CCDC200: variants seen among roughly 807,000 people sequenced by gnomAD.
CCDC200 encodes coiled-coil domain containing 200.
chr17:43,230,718 T>C (rs1179050751), upstream of CCDC200, among the ~76,000 whole-genome samples: 1 of 51,964 alleles, frequency 1.9e-5, no homozygotes, highest in African/African-American at 4.6e-5. Context: ...CGGTGGCTCA[T>C]GCCTGTAATC....
chr17:43,223,216 CTTTTTTTCAA>C lies in CCDC200; in HGVS notation c.480+330_480+339del, dbSNP rs1178806946. The stretch of plus-strand genomic sequence containing the variant: ...ATAGGCATGAGCCCCACACACTTGG[CTTTTTTTCAA>C]TTTTTTTCAATTTTTTTCAATTTTT... On this transcript the variant is annotated intron_variant, in intron 3 of 3. Coordinates refer to ENST00000636331, the MANE Select transcript of CCDC200 (RefSeq NM_001363254.2). Among the ~76,000 whole-genome samples, 345 of 129,220 alleles carry C rather than the reference CTTTTTTTCAA, an allele frequency of 2.7e-3. 4 individuals are homozygous for C. Among genetic ancestry groups the C allele is most frequent in the African/African-American group, 6.7e-3 (244 of 36,200 alleles). 84.8% of individuals were successfully genotyped at this position (129,220 alleles called of 152,430 possible).
At position 43,225,979 on chromosome 17, in the gene CCDC200, G is replaced by A. The variant is rs369934562; in HGVS notation, c.106-1430C>T. Among the ~76,000 whole-genome samples the A allele has an allele frequency of 3.4e-4, 52 of 151,760 alleles. 3 individuals carry two copies. The East Asian group carries it at 6.5e-3, about 19-fold the overall frequency. On this transcript the variant is annotated intron_variant, in intron 1 of 3. Coordinates refer to ENST00000636331, the MANE Select transcript of CCDC200 (RefSeq NM_001363254.2). ...GAACTCCTGACCTTGTGATCCACCCGCCTCGGCCTCCCAAAGTGCTGGGAT... is the reference window on the plus strand; with the variant it reads ...GAACTCCTGACCTTGTGATCCACCCACCTCGGCCTCCCAAAGTGCTGGGAT...
chr17:43,225,949 G>T (rs570640058), intron 1 of CCDC200, among the ~76,000 whole-genome samples: 2 of 151,368 alleles, frequency 1.3e-5, no homozygotes, highest in South Asian at 4.2e-4. Flanking sequence ...GGCCAGGATG[G>T]TCTCGAACTC....
rs201380551 is a variant in CCDC200, at chr17:43,227,219, TCCAC to T, written c.105+1227_105+1230del. 0.011 allele frequency among the ~76,000 whole-genome samples: 1,684 copies of T among 151,974 alleles called. 93 individuals carry two copies. The East Asian group carries it at 0.19, about 17-fold the overall frequency. On this transcript the variant is annotated intron_variant, in intron 1 of 3. Transcript: ENST00000636331. ...GTCTCGAACTCCTGACCACAGGTGATCCACCTGCCTTGGCCTCCCAAAGTGCTGG... is the reference window on the plus strand; with the variant it reads ...GTCTCGAACTCCTGACCACAGGTGATCTGCCTTGGCCTCCCAAAGTGCTGG...
rs968039861 is a variant in CCDC200 at position 43,221,494 on chromosome 17, T to C, written c.*77A>G. ...GTGGGTGGCTTTTGGAGTGGAGATA[T>C]TGCTGGATGCTGAGAAGATGTGGTT... is the stretch of plus-strand genomic sequence containing the variant. On this transcript the variant is annotated 3_prime_UTR_variant, in exon 4 of 4. Transcript: ENST00000636331. The C allele has an allele frequency of 6.6e-6, 1 of 152,654 alleles. No homozygotes were observed. Among genetic ancestry groups the C allele is most frequent in the African/African-American group, 2.4e-5 (1 of 41,456 alleles). 9.5% of individuals were successfully genotyped at this position (152,654 alleles called of 1,614,324 possible). A position where few individuals can be genotyped will look rare whatever the true frequency, so the allele number is the denominator to read the frequency against.
At chr17:43,222,275 C>T (rs1052566061) in intron 3 of CCDC200, among the ~76,000 whole-genome samples, 32 of 151,886 alleles carry the variant, frequency 2.1e-4, no homozygotes, top group African/African-American at 7.3e-4. Flanking sequence ...AAGTGATTCT[C>T]CTGCCTCAGT....
intron 3 of CCDC200, among the ~76,000 whole-genome samples, chr17:43,222,167 C>G (rs1381676432): frequency 6.6e-6 from 1 of 151,442 alleles, no homozygotes; most frequent in Non-Finnish European, 1.5e-5. Context: ...TTTTAATGCT[C>G]TTTCCTCTGT....
intron 1 of CCDC200, chr17:43,224,833 C>T (rs967506527): frequency 6.6e-6 from 1 of 152,160 alleles, no homozygotes; most frequent in Non-Finnish European, 1.5e-5. Flanking sequence ...GTTTTTAGTG[C>T]TGGAGGATAA....
chr17:43,222,673 C>G (rs901635705), intron 3 of CCDC200, among the ~76,000 whole-genome samples: 2 of 151,310 alleles, frequency 1.3e-5, no homozygotes, highest in Non-Finnish European at 2.9e-5. Context: ...TTACGGCAGC[C>G]TCAACCTCTG....
intron 1 of CCDC200, among the ~76,000 whole-genome samples, chr17:43,227,857 C>T (rs1479236758): frequency 6.6e-6 from 1 of 152,218 alleles, no homozygotes; most frequent in Non-Finnish European, 1.5e-5. Context: ...GCCTGCAATC[C>T]CAGCACTTTG....
At chr17:43,227,179 A>G (rs531160578) in intron 1 of CCDC200, among the ~76,000 whole-genome samples, 1 of 151,844 alleles carries the variant, frequency 6.6e-6, no homozygotes, top group African/African-American at 2.4e-5. Flanking sequence ...GGGTTTCACC[A>G]TGTTGGTCAG....
intron 3 of CCDC200, among the ~76,000 whole-genome samples, chr17:43,223,015 C>T (rs556824562): frequency 3.3e-5 from 5 of 152,008 alleles, no homozygotes; most frequent in African/African-American, 1.2e-4. Flanking sequence ...GATCTGCCTG[C>T]CTCAGCCCCT....
In CCDC200 at chr17:43,225,937, T is replaced by C. The variant is rs1366071886; in HGVS notation, c.106-1388A>G. ...TTAGTAGAGGCGGGGTTTCACCATG[T>C]TGGCCAGGATGGTCTCGAACTCCTG... On this transcript the variant is annotated intron_variant, in intron 1 of 3. Coordinates refer to ENST00000636331, the MANE Select transcript of CCDC200 (RefSeq NM_001363254.2). 2.6e-5 allele frequency among the ~76,000 whole-genome samples: 4 copies of C among 151,268 alleles called. No homozygotes were observed. The East Asian group carries it at 8.0e-4, about 30-fold the overall frequency.
intron 3 of CCDC200, 84 bp from the exon 4 acceptor site, chr17:43,221,681 G>A (rs2057534528): frequency 6.6e-6 from 1 of 152,592 alleles, no homozygotes; most frequent in South Asian, 2.1e-4. Flanking sequence ...GAGTCCAGAG[G>A]AATCAAAGTG....
chr17:43,222,930 A>G (rs1169568023), intron 3 of CCDC200, among the ~76,000 whole-genome samples: 2 of 151,650 alleles, frequency 1.3e-5, no homozygotes, highest in Non-Finnish European at 2.9e-5. Flanking sequence ...CCACCCACCC[A>G]GCTAATTTTT....
At position 43,222,142 on chromosome 17, in the gene CCDC200, C is replaced by T. The variant is rs370692104; in HGVS notation, c.481-545G>A. 5.3e-5 allele frequency among the ~76,000 whole-genome samples: 8 copies of T among 151,942 alleles called. No individual in the cohort carries two copies. The East Asian group carries it at 1.6e-3, about 29-fold the overall frequency. On this transcript the variant is annotated intron_variant, in intron 3 of 3. Coordinates refer to ENST00000636331, the MANE Select transcript of CCDC200 (RefSeq NM_001363254.2). Reference sequence around the variant, plus strand: ...GTTTGATAGCCTACAATGAGCTGGACTCCAAGCTAAGTGCTTTTAATGCTC... The same window carrying T: ...GTTTGATAGCCTACAATGAGCTGGATTCCAAGCTAAGTGCTTTTAATGCTC...
At chr17:43,223,532 T>G (rs17600371) in intron 3 of CCDC200, 24 bp downstream of exon 3, 44,930 of 150,694 alleles carry the variant, frequency 0.3, 7,323 homozygotes, top group South Asian at 0.49. Context: ...AGTCTGTCTT[T>G]CACAGTCTGT....
rs2057533414 is a variant in CCDC200, at chr17:43,221,428, A to G, written c.*143T>C. 1 of 152,570 alleles carries G rather than the reference A, an allele frequency of 6.6e-6. No homozygotes were observed. Among genetic ancestry groups the G allele is most frequent in the South Asian group, 2.1e-4 (1 of 4,822 alleles). The allele number at this position is 152,570 out of a possible 1,614,324, so 9.5% of individuals were successfully genotyped here. A position where few individuals can be genotyped will look rare whatever the true frequency, so the allele number is the denominator to read the frequency against. On this transcript the variant is annotated 3_prime_UTR_variant, in exon 4 of 4. Coordinates refer to ENST00000636331, the MANE Select transcript of CCDC200 (RefSeq NM_001363254.2). ...GTCCGGTCCCGTGATTCTTCCCAGGAAAAAAATTACATTTTATTCCTGGCA... is the reference window on the plus strand; with the variant it reads ...GTCCGGTCCCGTGATTCTTCCCAGGGAAAAAATTACATTTTATTCCTGGCA...
intron 1 of CCDC200, among the ~76,000 whole-genome samples, chr17:43,225,534 G>T (rs1275097589): frequency 6.8e-6 from 1 of 146,150 alleles, no homozygotes; most frequent in African/African-American, 2.5e-5. Flanking sequence ...TTGGTGGCAG[G>T]CACCTGTAAT....
Sources: gnomAD v4.1 joint callset for allele counts (sites outside exome capture counted in the v4.1 genomes callset) on GRCh38, gnomAD v4.1.1 for gene constraint, MANE v1.5 for transcripts, NCBI Gene and HGNC (gene_info 2026-07-23, HGNC 2026-07-21) for gene names.